Variants in LRRFIP1 observed in about 807,000 individuals in gnomAD.
LRRFIP1 encodes LRR binding FLII interacting protein 1.
In LRRFIP1, 62 loss-of-function variants were observed where a neutral mutation model predicts 104.4. That is an observed-to-expected ratio of 0.59 (90% CI 0.48 to 0.73). The LOEUF (loss-of-function observed/expected upper bound fraction) is 0.73, where lower values mean the gene tolerates loss of function less well. LRRFIP1 is among the 30% of genes least tolerant of loss of function. The pLI, the probability that LRRFIP1 is intolerant of heterozygous loss-of-function variation, is 0.00. For synonymous variants in LRRFIP1, 300 were observed against 299.0 expected, an observed-to-expected ratio of 1.00 and a Z score of -0.03; for missense variants, 796 against 824.5, an observed-to-expected ratio of 0.97 and a Z score of 0.42.
chr2:237,692,615 G>A (rs1430549109), intron 1 of LRRFIP1: 3 of 1,352,442 alleles, frequency 2.2e-6, no homozygotes, highest in African/African-American at 3.0e-5. Flanking sequence ...AGGCGCAGGT[G>A]CCCGGGAGGC....
chr2:237,768,716 C>G (rs2060391618), intron 19 of LRRFIP1: 1 of 152,142 alleles, frequency 6.6e-6, no homozygotes, highest in African/African-American at 2.4e-5. Context: ...TTCAAAACAA[C>G]TTAGGATCTT....
rs577047919 is a variant in LRRFIP1, at chr2:237,766,862, G to A, written c.1460-3081G>A. ...CACAGTAATTGATATTACTGTGAAGGCCCTTAACTTATCAAGAAATGGTTG... is the reference window on the plus strand; with the variant it reads ...CACAGTAATTGATATTACTGTGAAGACCCTTAACTTATCAAGAAATGGTTG... On this transcript the variant is annotated intron_variant, in intron 19 of 23. Coordinates refer to ENST00000308482, the MANE Select transcript of LRRFIP1 (RefSeq NM_001137550.2). This position sits in a 1 kb window ranked among gnomAD's most constrained non-coding sequence, Gnocchi z 4.8. Among the ~76,000 whole-genome samples, 8 of 152,290 alleles carry A rather than the reference G, an allele frequency of 5.3e-5. No homozygotes were observed. The highest frequency in any genetic ancestry group is 1.2e-4 in the African/African-American group (5 of 41,550).
intron 8 of LRRFIP1, among the ~76,000 whole-genome samples, chr2:237,731,692 A>T (rs1435696293): frequency 6.6e-6 from 1 of 152,248 alleles, no homozygotes; most frequent in Non-Finnish European, 1.5e-5. Context: ...CTAAAATAAA[A>T]GATGGCAATA....
intron 6 of LRRFIP1, chr2:237,721,880 CCTT>C (rs2150191198): frequency 1.3e-5 from 2 of 152,348 alleles, no homozygotes; most frequent in East Asian, 3.9e-4. Context: ...CTGTTTGAAA[CCTT>C]CTCCTGAGAT....
intron 1 of LRRFIP1, among the ~76,000 whole-genome samples, chr2:237,700,595 G>T (rs1433837205): frequency 4.6e-5 from 7 of 152,166 alleles, no homozygotes. Context: ...GTGCTTTACA[G>T]CTGGCAAACG....
intron 6 of LRRFIP1, among the ~76,000 whole-genome samples, chr2:237,722,527 C>T (rs988969895): frequency 3.9e-5 from 6 of 152,018 alleles, no homozygotes; most frequent in East Asian, 1.9e-4. Context: ...CACTCTTTGC[C>T]GAGATATCAA....
At chr2:237,652,428 A>G (rs922919086) in intron 1 of LRRFIP1, among the ~76,000 whole-genome samples, 3 of 152,218 alleles carry the variant, frequency 2.0e-5, no homozygotes, top group African/African-American at 4.8e-5. Flanking sequence ...GCCAAGTGAG[A>G]TGAGAAGTGC....
At chr2:237,627,803 G>C (rs1275914276) in intron 1 of LRRFIP1, 63 bp downstream of exon 1, 10 of 1,013,790 alleles carry the variant, frequency 9.9e-6, no homozygotes, top group Admixed American at 4.7e-5. Context: ...ACGGCTGTCA[G>C]GGTCTCTCCG....
At chr2:237,728,751 A>T (rs2094877819) in intron 8 of LRRFIP1, among the ~76,000 whole-genome samples, 1 of 151,950 alleles carries the variant, frequency 6.6e-6, no homozygotes, top group African/African-American at 2.4e-5. Flanking sequence ...TAATTATGTT[A>T]TATTAAGATA....
intron 1 of LRRFIP1, among the ~76,000 whole-genome samples, chr2:237,648,636 T>C (rs1359401442): frequency 1.3e-5 from 2 of 151,480 alleles, no homozygotes; most frequent in Non-Finnish European, 2.9e-5. Flanking sequence ...GGGAGTCATA[T>C]AAACTCAACT....
At chr2:237,752,283 G>A (rs2058718980) in intron 14 of LRRFIP1, among the ~76,000 whole-genome samples, 1 of 152,222 alleles carries the variant, frequency 6.6e-6, no homozygotes. Context: ...GTGCGCACCT[G>A]TAATCCCAGC....
chr2:237,771,348 G>A (rs1238582700), intron 20 of LRRFIP1, among the ~76,000 whole-genome samples: 1 of 147,858 alleles, frequency 6.8e-6, no homozygotes. Context: ...GTTCCAAAAA[G>A]CATAGCTTGA....
chr2:237,671,806 GCC>G lies in LRRFIP1; in HGVS notation c.97-36737_97-36736del, dbSNP rs1450203124. 3.3e-5 allele frequency among the ~76,000 whole-genome samples: 5 copies of G among 150,572 alleles called. No individual in the cohort carries two copies. The Admixed American group carries it at 3.3e-4, about 10-fold the overall frequency. ...CCTGTGTGTGTGCAGGTGTGTGTGT[GCC>G]TGCATGTGTGTGTGCACATGTGTGT... On this transcript the variant is annotated intron_variant, in intron 1 of 23. Transcript: ENST00000308482.
intron 19 of LRRFIP1, 100 bp downstream of exon 19, chr2:237,760,305 A>T: frequency 2.3e-6 from 3 of 1,286,390 alleles, no homozygotes; most frequent in Non-Finnish European, 3.2e-6. Context: ...CTGATGGGTT[A>T]ACAGTCACCA....
chr2:237,777,544 T>C (rs1440060193), intron 23 of LRRFIP1, among the ~76,000 whole-genome samples: 2 of 152,228 alleles, frequency 1.3e-5, no homozygotes, highest in African/African-American at 4.8e-5. Flanking sequence ...CTGGCTTCCA[T>C]TGAGCTGTTG....
chr2:237,698,266 A>ACTT (rs951252354), intron 1 of LRRFIP1, among the ~76,000 whole-genome samples: 1 of 152,234 alleles, frequency 6.6e-6, no homozygotes, highest in African/African-American at 2.4e-5. Context: ...AGGGGAAGGA[A>ACTT]GCTCTTAAAG....
At chr2:237,752,743 C>G (rs1291151620) in intron 14 of LRRFIP1, among the ~76,000 whole-genome samples, 1 of 152,250 alleles carries the variant, frequency 6.6e-6, no homozygotes, top group African/African-American at 2.4e-5. Flanking sequence ...CTTTGTCTTT[C>G]CAGGACCTAC....
At chr2:237,762,946 G>A in intron 19 of LRRFIP1, 1 of 1,614,210 alleles carries the variant, frequency 6.2e-7, no homozygotes, top group Non-Finnish European at 8.5e-7. Flanking sequence ...CCAACTGTTG[G>A]AGTGACTTAG....
intron 1 of LRRFIP1, among the ~76,000 whole-genome samples, chr2:237,658,375 T>A (rs2087206780): frequency 6.6e-6 from 1 of 152,220 alleles, no homozygotes; most frequent in Admixed American, 6.5e-5. Flanking sequence ...TTTATCTACA[T>A]AATGCAGGTC....
Sources: gnomAD v4.1 joint callset for allele counts (sites outside exome capture counted in the v4.1 genomes callset) on GRCh38, gnomAD v4.1.1 for gene constraint, Gnocchi (gnomAD v3.1) non-coding constraint, MANE v1.5 for transcripts, NCBI Gene and HGNC (gene_info 2026-07-23, HGNC 2026-07-21) for gene names.